The following HEATR4 variants were observed in gnomAD, a reference collection of about 807,000 sequenced individuals.
The protein encoded by HEATR4 is HEAT repeat-containing protein 4.
A neutral mutation model predicts 108.8 loss-of-function variants in HEATR4; 95 were observed. The ratio of observed to expected loss-of-function variants is 0.87; its 90% CI spans 0.74 to 1.04. The LOEUF (loss-of-function observed/expected upper bound fraction) is 1.04, where lower values mean the gene tolerates loss of function less well. Ranked by LOEUF, HEATR4 falls within the 50% of genes least tolerant of loss-of-function variation. The pLI, the probability that HEATR4 is intolerant of heterozygous loss-of-function variation, is 0.00. For synonymous variants in HEATR4, 443 were observed against 459.4 expected, an observed-to-expected ratio of 0.96 and a Z score of 0.46; for missense variants, 1,152 against 1,253.8, an observed-to-expected ratio of 0.92 and a Z score of 1.23.
chr14:73,561,586 C>T (rs1228173550), upstream of HEATR4, among the ~76,000 whole-genome samples: 3 of 151,850 alleles, frequency 2.0e-5, no homozygotes, highest in Non-Finnish European at 4.4e-5. Flanking sequence ...ACTGGGGAGG[C>T]TGAGGCAGGA....
In HEATR4 at chr14:73,538,211, C is replaced by G. The variant is rs1353356589; in HGVS notation, c.-151-7967G>C. On this transcript the variant is annotated intron_variant, in intron 1 of 17. Coordinates refer to ENST00000553558, the MANE Select transcript of HEATR4 (RefSeq NM_001220484.1). ...TACGGAGAAAGGATGTAGCTTCCAA[C>G]ATTCCGGAGGTTAGTGTAAGGAGAC... Among the ~76,000 whole-genome samples, 2 of 114,216 alleles carry G rather than the reference C, an allele frequency of 1.8e-5. 1 individual carries two copies. The highest frequency in any genetic ancestry group is 3.8e-5 in the Non-Finnish European group (2 of 52,586). The allele number at this position is 114,216 out of a possible 152,430, so 74.9% of individuals were successfully genotyped here.
upstream of HEATR4, among the ~76,000 whole-genome samples, chr14:73,561,376 A>G (rs936503949): frequency 6.6e-6 from 1 of 150,730 alleles, no homozygotes; most frequent in Non-Finnish European, 1.5e-5. Flanking sequence ...AAAAAAAAAG[A>G]AAGAAAAAAA....
Position 73,492,109 on chromosome 14 carries a change from C to A in HEATR4, c.2844+957G>T, listed in dbSNP as rs17850736. 2 of 1,613,776 alleles carry A rather than the reference C, an allele frequency of 1.2e-6. No individual in the cohort carries two copies. The highest frequency in any genetic ancestry group is 2.2e-5 in the South Asian group (2 of 91,090). Reference sequence around the variant, plus strand: ...TCTGGCGTGTATACCGACCCCGAGTCCCAACCGAGGAACTGGCTCTGACAT... The same window carrying A: ...TCTGGCGTGTATACCGACCCCGAGTACCAACCGAGGAACTGGCTCTGACAT... On this transcript the variant is annotated intron_variant, in intron 17 of 17. Coordinates refer to ENST00000553558, the MANE Select transcript of HEATR4 (RefSeq NM_001220484.1). This position sits in a 1 kb window ranked among gnomAD's most constrained non-coding sequence, Gnocchi z 4.9.
At chr14:73,500,456 C>T (rs1886379954) in intron 12 of HEATR4, 94 bp downstream of exon 12, 1 of 1,280,192 alleles carries the variant, frequency 7.8e-7, no homozygotes, top group Non-Finnish European at 1.1e-6. Flanking sequence ...ATTCTGTGTC[C>T]CCACAGAATG....
At chr14:73,559,631 A>G (rs1187071889), upstream of HEATR4, among the ~76,000 whole-genome samples, 2 of 151,878 alleles carry the variant, frequency 1.3e-5, no homozygotes, top group Non-Finnish European at 2.9e-5. Flanking sequence ...AATCCCAGCT[A>G]CTCGGGAGGC....
intron 14 of HEATR4, among the ~76,000 whole-genome samples, chr14:73,497,288 C>T (rs1318013659): frequency 2.0e-5 from 3 of 152,226 alleles, no homozygotes; most frequent in Non-Finnish European, 4.4e-5. Context: ...GATCCATCTG[C>T]CTCAGCCTCC....
intron 2 of HEATR4, chr14:73,528,824 T>C (rs1888521905): frequency 6.6e-6 from 1 of 152,188 alleles, no homozygotes; most frequent in Non-Finnish European, 1.5e-5. Context: ...GTCCTACAGT[T>C]AGATGCACTG....
At chr14:73,506,810 T>G (rs966853547) in intron 9 of HEATR4, among the ~76,000 whole-genome samples, 6 of 133,038 alleles carry the variant, frequency 4.5e-5, no homozygotes, top group Non-Finnish European at 7.9e-5. Flanking sequence ...AACTGTTTTT[T>G]TTTTTTTTTT....
intron 5 of HEATR4, among the ~76,000 whole-genome samples, chr14:73,516,958 T>A (rs1463055724): frequency 1.3e-5 from 2 of 152,196 alleles, no homozygotes; most frequent in Non-Finnish European, 2.9e-5. Context: ...GGTTGAGGAC[T>A]GCCGATCTAA....
At chr14:73,551,919 CTG>C (rs1889331262) in intron 1 of HEATR4, among the ~76,000 whole-genome samples, 1 of 112,044 alleles carries the variant, frequency 8.9e-6, no homozygotes, top group African/African-American at 2.9e-5. Flanking sequence ...CCTACACACA[CTG>C]TGCATGCTCA....
chr14:73,617,038 G>A, the HEATR4 span: 5 of 990,440 alleles, frequency 5.0e-6, no homozygotes, highest in Non-Finnish European at 6.4e-6. Context: ...AGCAGCAGGG[G>A]CCTTTGTGAA....
At position 73,500,664 on chromosome 14, in the gene HEATR4, C is replaced by T; in HGVS notation, c.2172G>A (p.Lys724=). The T allele has an allele frequency of 6.2e-7, 1 of 1,614,184 alleles. No individual in the cohort carries two copies. Among genetic ancestry groups the T allele is most frequent in the Non-Finnish European group, 8.5e-7 (1 of 1,180,026 alleles). The change falls in exon 12 of 18, where the codon AAG becomes AAA. Residue 724 remains lysine (K), a synonymous_variant. Transcript: ENST00000553558. ...VEALYLIGEL[K]LMTAKLLPSF... Reference sequence around the variant, plus strand: ...TTGGGAGAAGCTTGGCGGTCATAAGCTTGAGCTCACCTATCAGGTAGAGAG... The same window carrying T: ...TTGGGAGAAGCTTGGCGGTCATAAGTTTGAGCTCACCTATCAGGTAGAGAG...
chr14:73,586,175 C>A, the HEATR4 span, among the ~76,000 whole-genome samples: 3 of 151,788 alleles, frequency 2.0e-5, no homozygotes, highest in African/African-American at 7.3e-5. Flanking sequence ...GAGTGGATCA[C>A]CTGAGGTCGG....
Position 73,514,077 on chromosome 14 carries a change from C to A in HEATR4, c.1368G>T (p.Val456=). Residue 456 remains valine, a synonymous_variant, in exon 6 of 18, where the codon GTG becomes GTT. Coordinates refer to ENST00000553558, the MANE Select transcript of HEATR4 (RefSeq NM_001220484.1). ...SLQEDVTWEL[V]VLRRMLKEWK... is the part of the protein sequence containing the mutation. ...ATTCCTTCAGCATCCTCCGCAGGAC[C>A]ACCAGTTCCCAGGTCACATCCTCCT... 1 of 1,614,194 alleles carries A rather than the reference C, an allele frequency of 6.2e-7. No homozygotes were observed. Among genetic ancestry groups the A allele is most frequent in the Non-Finnish European group, 8.5e-7 (1 of 1,180,034 alleles).
chr14:73,607,393 C>G, the HEATR4 span, among the ~76,000 whole-genome samples: 1 of 152,166 alleles, frequency 6.6e-6, no homozygotes, highest in African/African-American at 2.4e-5. Flanking sequence ...ACACAGGGCA[C>G]CAAGTCACAA....
At chr14:73,496,767 A>G (rs1886132509) in intron 14 of HEATR4, 88 bp from the exon 15 acceptor site, 2 of 743,198 alleles carry the variant, frequency 2.7e-6, no homozygotes, top group South Asian at 3.1e-5. Context: ...GGAATCAGGT[A>G]AGAATCCCAA....
the HEATR4 span, among the ~76,000 whole-genome samples, chr14:73,586,673 G>C: frequency 6.7e-6 from 1 of 149,590 alleles, no homozygotes; most frequent in Non-Finnish European, 1.5e-5. Flanking sequence ...CCACTGCACT[G>C]CAGCCTGGGA....
intron 1 of HEATR4, chr14:73,537,471 A>T: frequency 8.1e-7 from 1 of 1,228,382 alleles, no homozygotes; most frequent in Non-Finnish European, 1.1e-6. Context: ...TGCTGGGACG[A>T]ACCGGTGCGA....
intron 8 of HEATR4, 143 bp downstream of exon 8, chr14:73,509,169 A>G (rs1354758406): frequency 1.1e-5 from 9 of 821,118 alleles, no homozygotes; most frequent in South Asian, 3.4e-5. Context: ...GTCTGGTCCT[A>G]ATTTTCAAAT....
Sources: allele counts gnomAD v4.1 joint callset (sites outside exome capture counted in the v4.1 genomes callset), GRCh38; gene constraint gnomAD v4.1.1; non-coding constraint Gnocchi (gnomAD v3.1); transcripts MANE v1.5; gene names NCBI Gene and HGNC (gene_info 2026-07-23, HGNC 2026-07-21).